Variants in COBLL1 observed in about 807,000 individuals in gnomAD.
The protein encoded by COBLL1 is cordon-bleu WH2 repeat protein like 1, also known as cordon-bleu protein-like 1.
Under a neutral mutation model 94.8 loss-of-function variants are expected in COBLL1, and 50 were observed. The ratio of observed to expected loss-of-function variants is 0.53; its 90% CI spans 0.42 to 0.67. The LOEUF is 0.67. COBLL1 is among the 30% of genes least tolerant of loss of function. The pLI, the probability that COBLL1 is intolerant of heterozygous loss-of-function variation, is 0.00. For synonymous variants in COBLL1, 448 were observed against 473.8 expected, an observed-to-expected ratio of 0.95 and a Z score of 0.71; for missense variants, 1,362 against 1,348.7, an observed-to-expected ratio of 1.01 and a Z score of -0.15.
chr2:164,777,575 C>T (rs919916969), intron 2 of COBLL1, among the ~76,000 whole-genome samples: 2 of 152,260 alleles, frequency 1.3e-5, no homozygotes, highest in African/African-American at 4.8e-5. Flanking sequence ...AGCAAGAATG[C>T]TCACAATGAT....
At chr2:164,774,923 C>T (rs355870) in intron 2 of COBLL1, among the ~76,000 whole-genome samples, 35,217 of 150,600 alleles carry the variant, frequency 0.23, 4,763 homozygotes, top group African/African-American at 0.37. Flanking sequence ...TGCTTGACTG[C>T]AGTAATCATC....
chr2:164,841,251 G>T lies in COBLL1; in HGVS notation c.-50-5C>A. 1 of 1,225,682 alleles carries T rather than the reference G, an allele frequency of 8.2e-7. No individual in the cohort carries two copies. Among genetic ancestry groups the T allele is most frequent in the Non-Finnish European group, 1.0e-6 (1 of 984,248 alleles). The allele number at this position is 1,225,682 out of a possible 1,614,324, so 75.9% of individuals were successfully genotyped here. A position where few individuals can be genotyped will look rare whatever the true frequency, so the allele number is the denominator to read the frequency against. On this transcript the variant is annotated splice_polypyrimidine_tract_variant and splice_region_variant and intron_variant, in intron 1 of 13. Transcript: ENST00000652658. This position sits in a 1 kb window ranked among gnomAD's most constrained non-coding sequence, Gnocchi z 5.5. ...CTCCCAGGCGGCGCGTCACTGCTGGGGTGGGAGAGGCCGGCGGGTCAGGGC... is the reference window on the plus strand; with the variant it reads ...CTCCCAGGCGGCGCGTCACTGCTGGTGTGGGAGAGGCCGGCGGGTCAGGGC...
At chr2:164,715,363 A>G (rs1227442751) in intron 7 of COBLL1, among the ~76,000 whole-genome samples, 1 of 152,152 alleles carries the variant, frequency 6.6e-6, no homozygotes, top group Non-Finnish European at 1.5e-5. Context: ...AGAATTATGC[A>G]TGGTGGTCCA....
intron 2 of COBLL1, among the ~76,000 whole-genome samples, chr2:164,783,658 T>C (rs1273808610): frequency 1.3e-5 from 2 of 151,802 alleles, no homozygotes; most frequent in African/African-American, 4.8e-5. Context: ...AAGCAAGAGA[T>C]CAAAATGAAG....
chr2:164,770,007 G>A (rs1424299775), intron 2 of COBLL1, among the ~76,000 whole-genome samples: 2 of 151,998 alleles, frequency 1.3e-5, no homozygotes, highest in Non-Finnish European at 2.9e-5. Context: ...ATAAATAATG[G>A]AATTTACTAA....
At chr2:164,839,345 C>A (rs978947397) in intron 2 of COBLL1, among the ~76,000 whole-genome samples, 10 of 152,058 alleles carry the variant, frequency 6.6e-5, no homozygotes, top group Non-Finnish European at 1.2e-4. Flanking sequence ...GTAAACCCAA[C>A]ACTTTGGGAA....
At chr2:164,747,769 T>C (rs7601375) in intron 2 of COBLL1, among the ~76,000 whole-genome samples, 87,182 of 151,972 alleles carry the variant, frequency 0.57, 25,585 homozygotes, top group African/African-American at 0.68. Context: ...GCCACCACAC[T>C]GGGGCATTTA....
chr2:164,704,835 T>A, intron 8 of COBLL1, 117 bp downstream of exon 8: 1 of 1,086,998 alleles, frequency 9.2e-7, no homozygotes, highest in Non-Finnish European at 1.3e-6. Flanking sequence ...AATCAAGATG[T>A]ATTTAAAAAG....
At chr2:164,667,023 C>A (rs1691170635) in intron 1 of COBLL1, among the ~76,000 whole-genome samples, 1 of 152,006 alleles carries the variant, frequency 6.6e-6, no homozygotes. Context: ...TTCCTCGGAT[C>A]CATCAGAAGA....
At chr2:164,787,684 A>C (rs551269792) in intron 2 of COBLL1, among the ~76,000 whole-genome samples, 4 of 152,198 alleles carry the variant, frequency 2.6e-5, no homozygotes, top group African/African-American at 7.2e-5. Flanking sequence ...TATGCCATCC[A>C]TCATTGAGTA....
intron 2 of COBLL1, among the ~76,000 whole-genome samples, chr2:164,751,048 C>T (rs1234842287): frequency 6.6e-6 from 1 of 152,136 alleles, no homozygotes; most frequent in Non-Finnish European, 1.5e-5. Flanking sequence ...GCTTTGCCCT[C>T]GGTCCAAAAT....
At chr2:164,694,009 G>A (rs918992865) in intron 12 of COBLL1, among the ~76,000 whole-genome samples, 7 of 152,092 alleles carry the variant, frequency 4.6e-5, no homozygotes, top group African/African-American at 1.7e-4. Context: ...ATACAAATGA[G>A]CAAAGAAACT....
intron 2 of COBLL1, among the ~76,000 whole-genome samples, chr2:164,779,289 C>T (rs932055070): frequency 3.9e-5 from 6 of 152,004 alleles, no homozygotes; most frequent in Non-Finnish European, 7.4e-5. Flanking sequence ...ATAAACAGTA[C>T]GAATCATGGC....
At chr2:164,661,785 A>C (rs1312888752) in intron 2 of COBLL1, among the ~76,000 whole-genome samples, 1 of 152,216 alleles carries the variant, frequency 6.6e-6, no homozygotes, top group African/African-American at 2.4e-5. Flanking sequence ...TAGTATTAGG[A>C]TTACTTCAAG....
rs2105396874 is a variant in COBLL1, at chr2:164,681,799, G to A, written c.*4147C>T. ...CAAATGATTTTTTCCAGTTTGTGAAGCAGAGATGCCAACAGATCTCTACAA... is the reference window on the plus strand; with the variant it reads ...CAAATGATTTTTTCCAGTTTGTGAAACAGAGATGCCAACAGATCTCTACAA... On this transcript the variant is annotated 3_prime_UTR_variant, in exon 14 of 14. Coordinates refer to ENST00000652658, the MANE Select transcript of COBLL1 (RefSeq NM_001365672.2). The A allele has an allele frequency of 6.6e-6, 1 of 152,250 alleles. No individual in the cohort carries two copies. The highest frequency in any genetic ancestry group is 6.5e-5 in the Admixed American group (1 of 15,286). The allele number at this position is 152,250 out of a possible 1,614,324, so 9.4% of individuals were successfully genotyped here.
At chr2:164,798,586 G>C (rs762761876) in intron 2 of COBLL1, among the ~76,000 whole-genome samples, 2 of 152,228 alleles carry the variant, frequency 1.3e-5, no homozygotes, top group African/African-American at 2.4e-5. Flanking sequence ...TCTTGAGAGG[G>C]AGTGGACAAG....
intron 2 of COBLL1, among the ~76,000 whole-genome samples, chr2:164,788,563 T>G (rs990362122): frequency 1.3e-5 from 2 of 152,278 alleles, no homozygotes; most frequent in South Asian, 4.1e-4. Context: ...CTGATTCCAT[T>G]TTATGGTTAG....
At chr2:164,823,110 C>G (rs1320177427) in intron 2 of COBLL1, among the ~76,000 whole-genome samples, 2 of 152,056 alleles carry the variant, frequency 1.3e-5, no homozygotes, top group African/African-American at 4.8e-5. Flanking sequence ...TATTTTAAAA[C>G]AGTGAGAGTA....
rs1691209446 is a variant in COBLL1 at position 164,669,127 on chromosome 2, C to CT, written n.127-3227dup. ...TTGTGTTTTTAGATACTTTTGTTCT[C>CT]TTTTTTTCCTCATTATCCGAAAGGG... On this transcript the variant is annotated intron_variant and non_coding_transcript_variant, in intron 1 of 2. Coordinates refer to the COBLL1 transcript ENST00000495084. Among the ~76,000 whole-genome samples the CT allele has an allele frequency of 3.9e-5, 6 of 152,234 alleles. No homozygotes were observed. The South Asian group carries it at 8.3e-4, about 21-fold the overall frequency.
Sources: allele counts gnomAD v4.1 joint callset (sites outside exome capture counted in the v4.1 genomes callset), GRCh38; gene constraint gnomAD v4.1.1; non-coding constraint Gnocchi (gnomAD v3.1); transcripts MANE v1.5; gene names NCBI Gene and HGNC (gene_info 2026-07-23, HGNC 2026-07-21).